BRWD1: variants seen among roughly 807,000 people sequenced by gnomAD.
The protein encoded by BRWD1 is bromodomain and WD repeat-containing protein 1.
A neutral mutation model predicts 251.2 loss-of-function variants in BRWD1; 82 were observed. The ratio of observed to expected loss-of-function variants is 0.33; its 90% CI spans 0.27 to 0.39. BRWD1 has a LOEUF of 0.39. Ranked by LOEUF, BRWD1 falls within the 10% of genes least tolerant of loss-of-function variation. The pLI is 1.00. For synonymous variants in BRWD1, 918 were observed against 902.8 expected (o/e 1.02, Z -0.30); for missense variants, 2,233 against 2,711.6 (o/e 0.82, Z 3.92).
At chr21:39,274,624 G>T (rs368786146) in intron 12 of BRWD1, 152 bp from the exon 13 acceptor site, 4 of 669,384 alleles carry the variant, frequency 6.0e-6, no homozygotes, top group Non-Finnish European at 1.0e-5. Flanking sequence ...TATTTAGAGC[G>T]TATCTGGATG....
In BRWD1 at chr21:39,188,211, G is replaced by A. The variant is rs928924761; in HGVS notation, c.*8048C>T. 162 of 985,182 alleles carry A rather than the reference G, an allele frequency of 1.6e-4. No homozygotes were observed. Among genetic ancestry groups the A allele is most frequent in the Non-Finnish European group, 1.8e-4 (150 of 829,898 alleles). 61.0% of individuals were successfully genotyped at this position (985,182 alleles called of 1,614,324 possible). A position where few individuals can be genotyped will look rare whatever the true frequency, so the allele number is the denominator to read the frequency against. On this transcript the variant is annotated 3_prime_UTR_variant, in exon 41 of 41. Coordinates refer to ENST00000342449, the MANE Select transcript of BRWD1 (RefSeq NM_033656.4). ...TTCCTTTTACGTATCTGAAGTTCAC[G>A]GGCCCTTGAATTTTAGGTCTTTCTT... is the stretch of plus-strand genomic sequence containing the variant.
chr21:39,311,072 T>C (rs1601517459), intron 4 of BRWD1, among the ~76,000 whole-genome samples: 1 of 150,596 alleles, frequency 6.6e-6, no homozygotes, highest in East Asian at 1.9e-4. Flanking sequence ...CATAGCCAAA[T>C]CACAGCCATA....
intron 38 of BRWD1, 92 bp from the exon 39 acceptor site, chr21:39,200,478 A>G: frequency 1.9e-6 from 2 of 1,042,886 alleles, no homozygotes; most frequent in East Asian, 5.4e-5. Flanking sequence ...AACATTACAT[A>G]ACATTACTAC....
chr21:39,276,442 A>G (rs2035284352), intron 11 of BRWD1, among the ~76,000 whole-genome samples: 1 of 152,176 alleles, frequency 6.6e-6, no homozygotes, highest in South Asian at 2.1e-4. Context: ...ATCTAACAGG[A>G]AAAAAAGCCT....
chr21:39,291,681 AC>A (rs1323875243), intron 8 of BRWD1, among the ~76,000 whole-genome samples: 1 of 152,102 alleles, frequency 6.6e-6, no homozygotes, highest in African/African-American at 2.4e-5. Context: ...ACCAATCCTA[AC>A]CCTGAGCCTC....
intron 8 of BRWD1, among the ~76,000 whole-genome samples, chr21:39,282,421 T>C (rs1339284593): frequency 3.3e-5 from 5 of 152,196 alleles, no homozygotes; most frequent in Non-Finnish European, 2.9e-5. Context: ...GGCCTAACAT[T>C]GAGCTTTGCA....
chr21:39,295,650 G>A, intron 7 of BRWD1, 93 bp downstream of exon 7: 3 of 1,058,960 alleles, frequency 2.8e-6, no homozygotes, highest in African/African-American at 3.2e-5. Context: ...AATCTCTGAG[G>A]ATGGGAAACA....
chr21:39,273,856 G>A (rs1486697277), intron 13 of BRWD1, among the ~76,000 whole-genome samples: 1 of 152,120 alleles, frequency 6.6e-6, no homozygotes, highest in Non-Finnish European at 1.5e-5. Flanking sequence ...TTAAAATCAG[G>A]AAACAAACTC....
intron 5 of BRWD1, chr21:39,298,225 T>C (rs185203534): frequency 1.2e-5 from 15 of 1,215,112 alleles, no homozygotes; most frequent in Admixed American, 4.3e-5. Flanking sequence ...CATCTATATC[T>C]TTATCAACTT....
chr21:39,302,373 T>G (rs571936335), intron 4 of BRWD1, among the ~76,000 whole-genome samples: 1 of 152,252 alleles, frequency 6.6e-6, no homozygotes, highest in Admixed American at 6.5e-5. Flanking sequence ...AGGAAAAAAT[T>G]TAAAATACCA....
intron 18 of BRWD1, among the ~76,000 whole-genome samples, chr21:39,257,783 A>G (rs993554810): frequency 9.9e-5 from 15 of 152,190 alleles, no homozygotes; most frequent in African/African-American, 3.6e-4. Context: ...TGCTTCTGAA[A>G]AAAAACACAT....
At chr21:39,286,711 T>A (rs1235366913) in intron 8 of BRWD1, among the ~76,000 whole-genome samples, 1 of 151,842 alleles carries the variant, frequency 6.6e-6, no homozygotes, top group Non-Finnish European at 1.5e-5. Flanking sequence ...AGACAGGGTT[T>A]CATTATGTTG....
Position 39,313,570 on chromosome 21 carries a change from G to C in BRWD1, c.-79C>G. The C allele has an allele frequency of 9.2e-6, 11 of 1,200,670 alleles. No homozygotes were observed. Among genetic ancestry groups the C allele is most frequent in the East Asian group, 3.3e-5 (1 of 30,470 alleles). 74.4% of individuals were successfully genotyped at this position (1,200,670 alleles called of 1,614,324 possible). On this transcript the variant is annotated 5_prime_UTR_variant, in exon 1 of 41. Transcript: ENST00000342449. ...CGCGCCGAGGCCTGACCGGGCTGGC[G>C]TCCCCTCTTCTCAGGCGCGCGCCGC... is the stretch of plus-strand genomic sequence containing the variant.
rs994264002 is a variant in BRWD1, at chr21:39,188,105, G to GT, written c.*8153dup. 1.5e-5 allele frequency: 15 copies of GT among 985,300 alleles called. No individual in the cohort carries two copies. The African/African-American group carries it at 2.4e-4, about 16-fold the overall frequency. 61.0% of individuals were successfully genotyped at this position (985,300 alleles called of 1,614,324 possible). The stretch of plus-strand genomic sequence containing the variant: ...ACCAAACTTAGGAGGGCTCAGATAT[G>GT]TTTGTTACCAGTGTCTCAAAGCCAA... On this transcript the variant is annotated 3_prime_UTR_variant, in exon 41 of 41. Transcript: ENST00000342449.
intron 15 of BRWD1, among the ~76,000 whole-genome samples, chr21:39,269,147 A>G (rs1402312922): frequency 6.6e-6 from 1 of 152,152 alleles, no homozygotes; most frequent in Non-Finnish European, 1.5e-5. Context: ...TATAAATGTT[A>G]AATTTGCTGA....
intron 4 of BRWD1, among the ~76,000 whole-genome samples, chr21:39,301,843 A>C (rs150798878): frequency 6.6e-6 from 1 of 151,718 alleles, no homozygotes; most frequent in East Asian, 1.9e-4. Context: ...AAGACTGCTA[A>C]ATTTCCAACA....
chr21:39,242,525 T>C (rs572586620), intron 21 of BRWD1, among the ~76,000 whole-genome samples: 1 of 152,304 alleles, frequency 6.6e-6, no homozygotes, highest in South Asian at 2.1e-4. Context: ...CAGCAAGTGA[T>C]CCAGAAGATC....
At chr21:39,279,376 C>T (rs143696041) in intron 9 of BRWD1, among the ~76,000 whole-genome samples, 283 of 152,182 alleles carry the variant, frequency 1.9e-3, no homozygotes, top group Middle Eastern at 6.8e-3. Flanking sequence ...TGGTGGCTCA[C>T]GCCTGTGATC....
intron 40 of BRWD1, among the ~76,000 whole-genome samples, chr21:39,198,504 G>GA (rs2031935603): frequency 6.6e-6 from 1 of 152,080 alleles, no homozygotes; most frequent in Admixed American, 6.5e-5. Context: ...TACAAGAAGT[G>GA]AAATCTTCAA....
Sources: allele counts gnomAD v4.1 joint callset (sites outside exome capture counted in the v4.1 genomes callset), GRCh38; gene constraint gnomAD v4.1.1; transcripts MANE v1.5; gene names NCBI Gene and HGNC (gene_info 2026-07-23, HGNC 2026-07-21).